ARHGAP22: variants seen among roughly 807,000 people sequenced by gnomAD.
ARHGAP22 encodes the protein rho GTPase-activating protein 22.
Under a neutral mutation model 59.1 loss-of-function variants are expected in ARHGAP22, and 48 were observed. The observed-to-expected ratio is 0.81, with a 90% CI of 0.64 to 1.03. The LOEUF (loss-of-function observed/expected upper bound fraction) is 1.03. Among genes scored for constraint, ARHGAP22 ranks in the 50% least tolerant of loss-of-function variants. The probability of loss-of-function intolerance (pLI) is 0.00; values close to 1 mark genes in which losing one functional copy is unlikely to be tolerated. For missense variants in ARHGAP22, 1,015 were observed against 958.7 expected, an observed-to-expected ratio of 1.06 and a Z score of -0.78; for synonymous variants, 445 against 416.4, an observed-to-expected ratio of 1.07 and a Z score of -0.84.
At chr10:48,559,175 G>A (rs1313868933) in intron 2 of ARHGAP22, among the ~76,000 whole-genome samples, 1 of 152,224 alleles carries the variant, frequency 6.6e-6, no homozygotes, top group African/African-American at 2.4e-5. Context: ...GGGCTTAAGT[G>A]TTTGTATCTC....
chr10:48,601,164 A>C (rs1289727588), intron 1 of ARHGAP22, among the ~76,000 whole-genome samples: 1 of 152,218 alleles, frequency 6.6e-6, no homozygotes, highest in Non-Finnish European at 1.5e-5. Context: ...AAACCTGGGC[A>C]GGGGCATCAC....
chr10:48,649,961 A>C (rs1222962440), intron 1 of ARHGAP22, among the ~76,000 whole-genome samples: 1 of 149,168 alleles, frequency 6.7e-6, no homozygotes, highest in Non-Finnish European at 1.5e-5. Flanking sequence ...TTTCTCAATA[A>C]TCTCCATTAG....
At chr10:48,520,965 G>A (rs1345291832) in intron 3 of ARHGAP22, among the ~76,000 whole-genome samples, 1 of 152,118 alleles carries the variant, frequency 6.6e-6, no homozygotes, top group Non-Finnish European at 1.5e-5. Context: ...GGGTAACAAT[G>A]CAAAGCTGAA....
the ARHGAP22 span, among the ~76,000 whole-genome samples, chr10:48,439,852 A>G: frequency 6.6e-6 from 1 of 152,184 alleles, no homozygotes; most frequent in South Asian, 2.1e-4. Flanking sequence ...TTCCTGCTCC[A>G]AATGACCTTT....
At chr10:48,572,429 C>T (rs1396371004) in intron 2 of ARHGAP22, among the ~76,000 whole-genome samples, 1 of 152,154 alleles carries the variant, frequency 6.6e-6, no homozygotes, top group Non-Finnish European at 1.5e-5. Context: ...GATAAAAGAC[C>T]ACCAACAATA....
chr10:48,459,660 C>A (rs1484316650), intron 5 of ARHGAP22, 24 bp downstream of exon 5: 1 of 1,613,488 alleles, frequency 6.2e-7, no homozygotes, highest in African/African-American at 1.3e-5. Flanking sequence ...AATGGCTCCA[C>A]CTTACCCCCG....
At chr10:48,544,055 G>A (rs2056207608) in intron 3 of ARHGAP22, among the ~76,000 whole-genome samples, 2 of 152,116 alleles carry the variant, frequency 1.3e-5, no homozygotes, top group African/African-American at 4.8e-5. Context: ...CCAGGGAGGT[G>A]GAGGTTGCAG....
intron 2 of ARHGAP22, among the ~76,000 whole-genome samples, chr10:48,557,560 C>T (rs144741444): frequency 3.4e-4 from 52 of 152,326 alleles, no homozygotes; most frequent in Middle Eastern, 3.4e-3. Flanking sequence ...CTGTGCCCAC[C>T]GCCCACAAGG....
In ARHGAP22 at chr10:48,511,865, C is replaced by A. The variant is rs114046200; in HGVS notation, c.323-32101G>T. 6.7e-3 allele frequency among the ~76,000 whole-genome samples: 1,015 copies of A among 152,332 alleles called. 11 individuals are homozygous for A. The highest frequency in any genetic ancestry group is 0.023 in the African/African-American group (952 of 41,574). ...GCACTGAGTTAAAAATCCTCTCTGC[C>A]GCTTCTGTGGGCTCGCAAGTGGATC... On this transcript the variant is annotated intron_variant, in intron 3 of 9. Coordinates refer to ENST00000249601, the MANE Select transcript of ARHGAP22 (RefSeq NM_021226.4).
At chr10:48,586,710 C>G (rs548620154) in intron 1 of ARHGAP22, among the ~76,000 whole-genome samples, 28 of 152,186 alleles carry the variant, frequency 1.8e-4, no homozygotes, top group African/African-American at 6.0e-4. Context: ...TAAAATGGCA[C>G]GTAGTTATTG....
At chr10:48,446,671 G>C (rs776135477) in intron 9 of ARHGAP22, 52 bp from the exon 10 acceptor site, 1 of 1,536,536 alleles carries the variant, frequency 6.5e-7, no homozygotes, top group East Asian at 2.3e-5. Flanking sequence ...CAGGTTCACT[G>C]TCCCATGGGT....
intron 3 of ARHGAP22, among the ~76,000 whole-genome samples, chr10:48,554,659 A>G (rs1426729666): frequency 6.8e-6 from 1 of 147,738 alleles, no homozygotes; most frequent in Non-Finnish European, 1.5e-5. Context: ...GTTCTCAAGG[A>G]CTTGGGGGGT....
At chr10:48,594,955 G>T (rs2059980099) in intron 1 of ARHGAP22, among the ~76,000 whole-genome samples, 1 of 149,008 alleles carries the variant, frequency 6.7e-6, no homozygotes, top group African/African-American at 2.5e-5. Context: ...CTTATCTCAG[G>T]GTCTGCTTTG....
chr10:48,644,349 C>T (rs966752675), intron 1 of ARHGAP22, among the ~76,000 whole-genome samples: 1 of 152,124 alleles, frequency 6.6e-6, no homozygotes, highest in Non-Finnish European at 1.5e-5. Flanking sequence ...ATTTCCATAT[C>T]CCAATCTCCA....
At chr10:48,452,210 T>A (rs927487490) in intron 8 of ARHGAP22, among the ~76,000 whole-genome samples, 2 of 152,128 alleles carry the variant, frequency 1.3e-5, no homozygotes, top group African/African-American at 4.8e-5. Context: ...AGGGCATCTA[T>A]CCAGCTGCCT....
chr10:48,636,758 C>A (rs1254771912), intron 1 of ARHGAP22, among the ~76,000 whole-genome samples: 1 of 152,142 alleles, frequency 6.6e-6, no homozygotes, highest in Non-Finnish European at 1.5e-5. Flanking sequence ...GAGGTCACCA[C>A]AAAGAGGCCA....
intron 3 of ARHGAP22, among the ~76,000 whole-genome samples, chr10:48,480,250 T>C (rs186066987): frequency 3.5e-4 from 54 of 152,230 alleles, no homozygotes; most frequent in Admixed American, 8.5e-4. Flanking sequence ...AGGCTGGATG[T>C]TAAACCAGGA....
At chr10:48,451,214 A>T (rs1179946173) in intron 8 of ARHGAP22, 74 bp from the exon 9 acceptor site, 32 of 1,540,618 alleles carry the variant, frequency 2.1e-5, no homozygotes, top group Non-Finnish European at 2.5e-5. Flanking sequence ...AGTCATGGAG[A>T]AGCTGCAGCT....
At chr10:48,571,458 G>A (rs943592789) in intron 2 of ARHGAP22, among the ~76,000 whole-genome samples, 7 of 152,142 alleles carry the variant, frequency 4.6e-5, no homozygotes, top group Non-Finnish European at 1.0e-4. Flanking sequence ...GCCTTGAGGG[G>A]ACCGTCACTC....
Sources: gnomAD v4.1 joint callset for allele counts (sites outside exome capture counted in the v4.1 genomes callset) on GRCh38, gnomAD v4.1.1 for gene constraint, MANE v1.5 for transcripts, NCBI Gene and HGNC (gene_info 2026-07-23, HGNC 2026-07-21) for gene names.